NCOA6: variants seen among roughly 807,000 people sequenced by gnomAD.
The protein encoded by NCOA6 is nuclear receptor coactivator 6, also known as NRC RAP250.
NCOA6 carries 49 observed loss-of-function variants against 171.4 expected under a neutral mutation model. The observed-to-expected ratio is 0.29, with a 90% CI of 0.23 to 0.36. The LOEUF is 0.36. Among genes scored for constraint, NCOA6 ranks in the 10% least tolerant of loss-of-function variants. The pLI is 1.00. For synonymous variants in NCOA6, 910 were observed against 927.5 expected (o/e 0.98, Z 0.34); for missense variants, 2,248 against 2,554.5 (o/e 0.88, Z 2.59).
At chr20:34,812,231 G>A (rs116730577) in intron 1 of NCOA6, among the ~76,000 whole-genome samples, 2,279 of 150,798 alleles carry the variant, frequency 0.015, 64 homozygotes, top group African/African-American at 0.052. Context: ...CCAGTGTGGC[G>A]ACAGATGGAG....
chr20:34,793,874 T>G (rs1407111129), intron 1 of NCOA6, among the ~76,000 whole-genome samples: 1 of 152,082 alleles, frequency 6.6e-6, no homozygotes. Flanking sequence ...TTTGGACAAA[T>G]GTATAAAAAT....
At chr20:34,732,337 C>T (rs1460760280) in intron 13 of NCOA6, among the ~76,000 whole-genome samples, 3 of 152,154 alleles carry the variant, frequency 2.0e-5, no homozygotes, top group Non-Finnish European at 4.4e-5. Context: ...TTGAAAACAA[C>T]CATAAAAGGT....
Position 34,749,718 on chromosome 20 carries a change from G to A in NCOA6, c.2477C>T (p.Thr826Ile). The change falls in exon 9 of 15, where the codon ACC becomes ATC. Residue 826 changes from threonine (T) to isoleucine (I), a missense_variant. Physicochemically the swap from Thr to Ile is moderately conservative, Grantham distance 89. Coordinates refer to ENST00000359003, the MANE Select transcript of NCOA6 (RefSeq NM_014071.5). ...CTGCACATGAGGGGGGACCATGTTGGTTTGTTGAATGCTAACATCAGGCAT... is the reference window on the plus strand; with the variant it reads ...CTGCACATGAGGGGGGACCATGTTGATTTGTTGAATGCTAACATCAGGCAT... ...QMMPDVSIQQ[T>I]NMVPPHVQAM... 6.2e-7 allele frequency: 1 copy of A among 1,614,200 alleles called. No individual in the cohort carries two copies. The highest frequency in any genetic ancestry group is 8.5e-7 in the Non-Finnish European group (1 of 1,180,044).
chr20:34,780,491 A>G (rs563842281), intron 3 of NCOA6, among the ~76,000 whole-genome samples: 40 of 151,702 alleles, frequency 2.6e-4, no homozygotes, highest in African/African-American at 9.0e-4. Context: ...AGCTGGGATT[A>G]CAGGCACCTG....
Position 34,740,508 on chromosome 20 carries a change from C to A in NCOA6, c.5748G>T (p.Ser1916=), listed in dbSNP as rs753342839. Residue 1916 remains serine (S), a synonymous_variant, in exon 11 of 15, where the codon TCG becomes TCT. Transcript: ENST00000359003. The part of the protein sequence containing the change: ...PGGALPTSVR[S]IVTTLVPSEL... Reference sequence around the variant, plus strand: ...CGGAGGGTACCAGAGTGGTTACTATCGAGCGTACACTGGTGGGGAGAGCAC... The same window carrying A: ...CGGAGGGTACCAGAGTGGTTACTATAGAGCGTACACTGGTGGGGAGAGCAC... 1 of 1,614,182 alleles carries A rather than the reference C, an allele frequency of 6.2e-7. No individual in the cohort carries two copies. The highest frequency in any genetic ancestry group is 2.2e-5 in the East Asian group (1 of 44,880).
At chr20:34,771,145 T>C (rs1211759547) in intron 4 of NCOA6, among the ~76,000 whole-genome samples, 1 of 152,188 alleles carries the variant, frequency 6.6e-6, no homozygotes, top group Non-Finnish European at 1.5e-5. Flanking sequence ...TGAAACAGGG[T>C]CTCACTCTGT....
At chr20:34,794,111 A>G (rs1239546267) in intron 1 of NCOA6, among the ~76,000 whole-genome samples, 1 of 152,226 alleles carries the variant, frequency 6.6e-6, no homozygotes, top group Non-Finnish European at 1.5e-5. Context: ...CCAGCAATTA[A>G]GTAATGTCTT....
intron 2 of NCOA6, among the ~76,000 whole-genome samples, chr20:34,789,668 G>A (rs908228196): frequency 2.6e-5 from 4 of 152,138 alleles, no homozygotes; most frequent in Non-Finnish European, 5.9e-5. Flanking sequence ...AGCAACTCAT[G>A]AGGCTGAGGT....
chr20:34,796,947 A>G (rs1239644527), intron 1 of NCOA6, among the ~76,000 whole-genome samples: 4 of 152,206 alleles, frequency 2.6e-5, no homozygotes, highest in Non-Finnish European at 4.4e-5. Context: ...TGAATATATT[A>G]CCTATTGAAA....
chr20:34,782,049 C>T, intron 3 of NCOA6, 72 bp downstream of exon 3: 2 of 1,097,712 alleles, frequency 1.8e-6, no homozygotes, highest in Non-Finnish European at 1.3e-6. Flanking sequence ...TTTTGTAAAA[C>T]TCAAGATAAC....
In NCOA6 at chr20:34,749,820, C is replaced by A. The variant is rs2076414372; in HGVS notation, c.2375G>T (p.Gly792Val). 6.2e-7 allele frequency: 1 copy of A among 1,614,218 alleles called. No homozygotes were observed. The highest frequency in any genetic ancestry group is 8.5e-7 in the Non-Finnish European group (1 of 1,180,036). ...GIQGQVLRPP[G>V]PSPHMAQQHG... ...CTGCTGGGCCATGTGTGGGCTGGGC[C>A]CTGGTGGCCGCAGGACCTGTCCCTG... Residue 792 changes from glycine (G) to valine (V), a missense_variant, in exon 9 of 15, where the codon GGG becomes GTG. Around this residue, in one of 7 missense-constraint regions of NCOA6, gnomAD observed 987 missense variants for 1,104.7 expected, o/e 0.89. Transcript: ENST00000359003.
At chr20:34,812,077 G>A (rs939319359) in intron 1 of NCOA6, among the ~76,000 whole-genome samples, 1 of 151,786 alleles carries the variant, frequency 6.6e-6, no homozygotes, top group Non-Finnish European at 1.5e-5. Flanking sequence ...GTGAAACCCT[G>A]TACCTACTAA....
Position 34,727,405 on chromosome 20 carries a change from C to T in NCOA6, c.6002G>A (p.Ser2001Asn). Residue 2001 changes from serine to asparagine, a missense_variant and splice_region_variant, in exon 14 of 15, where the codon AGT becomes AAT. Ser to Asn is a conservative substitution (Grantham distance 46). Transcript: ENST00000359003. Reference sequence around the variant, plus strand: ...CTTTTCAACTATCTCTTTGGGCTCACTGCTGACAGAGGGAAGCAAAAAGTT... The same window carrying T: ...CTTTTCAACTATCTCTTTGGGCTCATTGCTGACAGAGGGAAGCAAAAAGTT... ...VNAAIVSGQS[S>N]EPKEIVEKSK... 6.2e-7 allele frequency: 1 copy of T among 1,613,540 alleles called. No individual in the cohort carries two copies. Among genetic ancestry groups the T allele is most frequent in the South Asian group, 1.1e-5 (1 of 91,044 alleles).
intron 1 of NCOA6, among the ~76,000 whole-genome samples, chr20:34,800,711 A>C (rs915799322): frequency 6.6e-6 from 1 of 152,242 alleles, no homozygotes; most frequent in Non-Finnish European, 1.5e-5. Flanking sequence ...CAGATATATA[A>C]AGTAAATATT....
intron 1 of NCOA6, among the ~76,000 whole-genome samples, chr20:34,813,363 G>A (rs1186515262): frequency 6.6e-6 from 1 of 151,860 alleles, no homozygotes; most frequent in Admixed American, 6.6e-5. Flanking sequence ...CTACCTGGGA[G>A]GCTGAGGCAG....
At chr20:34,781,666 A>T (rs1231198311) in intron 3 of NCOA6, among the ~76,000 whole-genome samples, 2 of 152,256 alleles carry the variant, frequency 1.3e-5, no homozygotes, top group African/African-American at 4.8e-5. Context: ...AAATGCCTGC[A>T]GACTGGATCC....
chr20:34,804,877 A>G (rs1395669360), intron 1 of NCOA6, among the ~76,000 whole-genome samples: 1 of 152,124 alleles, frequency 6.6e-6, no homozygotes, highest in African/African-American at 2.4e-5. Flanking sequence ...TTGAAAATAT[A>G]CAATAAATTA....
intron 2 of NCOA6, among the ~76,000 whole-genome samples, chr20:34,785,245 T>C (rs1486801007): frequency 2.6e-5 from 4 of 152,096 alleles, no homozygotes; most frequent in South Asian, 2.1e-4. Context: ...CCTTGTGTTC[T>C]GGCAATTATA....
chr20:34,715,851 T>C (rs561531015), intron 14 of NCOA6, among the ~76,000 whole-genome samples: 9 of 152,332 alleles, frequency 5.9e-5, no homozygotes, highest in Admixed American at 2.0e-4. Context: ...TGTCATGCTA[T>C]AGTCAAGGTC....
Sources: gnomAD v4.1 joint callset for allele counts (sites outside exome capture counted in the v4.1 genomes callset) on GRCh38, gnomAD v4.1.1 for gene constraint, gnomAD v4.1.1 regional missense constraint, MANE v1.5 for transcripts, NCBI Gene and HGNC (gene_info 2026-07-23, HGNC 2026-07-21) for gene names.